Variants in MYBBP1A observed in about 807,000 individuals in gnomAD.
MYBBP1A encodes the protein myb-binding protein 1A.
Under a neutral mutation model 136.3 loss-of-function variants are expected in MYBBP1A, and 147 were observed. The ratio of observed to expected loss-of-function variants is 1.08; its 90% CI spans 0.94 to 1.24. The LOEUF (loss-of-function observed/expected upper bound fraction) is 1.24. Among genes scored for constraint, MYBBP1A ranks in the 50% most tolerant of loss-of-function variants. The probability of loss-of-function intolerance (pLI) is 0.00; values close to 1 mark genes in which losing one functional copy is unlikely to be tolerated. For missense variants in MYBBP1A, 2,060 were observed against 1,727.4 expected (o/e 1.19, Z -3.41); for synonymous variants, 947 against 735.8 (o/e 1.29, Z -4.65).
intron 25 of MYBBP1A, 140 bp from the exon 26 acceptor site, chr17:4,540,107 G>T: frequency 8.3e-7 from 1 of 1,199,020 alleles, no homozygotes; most frequent in Non-Finnish European, 1.2e-6. Flanking sequence ...TCCCGTGAGG[G>T]TCCTATGAGG....
chr17:4,554,719 G>A (rs766825752), intron 2 of MYBBP1A, 142 bp downstream of exon 2: 37 of 726,546 alleles, frequency 5.1e-5, no homozygotes, highest in Non-Finnish European at 7.5e-5. Context: ...GCCTCCCTCA[G>A]GTTGGCCTCC....
rs1906326002 is a variant in MYBBP1A, at chr17:4,540,626, T to G, written c.3298-142A>C. 1.4e-5 allele frequency: 15 copies of G among 1,064,232 alleles called. No individual in the cohort carries two copies. In the South Asian group the frequency reaches 3.0e-4, roughly 21 times the overall value. 65.9% of individuals were successfully genotyped at this position (1,064,232 alleles called of 1,614,324 possible). A position where few individuals can be genotyped will look rare whatever the true frequency, so the allele number is the denominator to read the frequency against. ...GGGCCTCAGCCTCTCCTTCTGCCTG[T>G]TAAGTCATCCGTGTCTCTTACCGAG... On this transcript the variant is annotated intron_variant, in intron 24 of 25. Transcript: ENST00000254718.
chr17:4,554,885 G>A lies in MYBBP1A; in HGVS notation c.270C>T (p.Pro90=). The part of the protein sequence containing the change: ...GLGVGRETAR[P]CYSLALAQLL... Reference sequence around the variant, plus strand: ...CCTGTGCCAGGGCCAAACTGTAGCAGGGCCGGGCTGTTTCTCGCCCGACCC... The same window carrying A: ...CCTGTGCCAGGGCCAAACTGTAGCAAGGCCGGGCTGTTTCTCGCCCGACCC... Residue 90 remains proline (P), a synonymous_variant, in exon 2 of 26, where the codon CCC becomes CCT. Transcript: ENST00000254718. The A allele has an allele frequency of 6.2e-7, 1 of 1,613,582 alleles. No individual in the cohort carries two copies. The highest frequency in any genetic ancestry group is 8.5e-7 in the Non-Finnish European group (1 of 1,180,032).
intron 8 of MYBBP1A, among the ~76,000 whole-genome samples, chr17:4,551,060 C>A (rs978310846): frequency 6.6e-6 from 1 of 152,242 alleles, no homozygotes; most frequent in Non-Finnish European, 1.5e-5. Context: ...TGGCTCACTG[C>A]AGCCTCAAAA....
rs947408759 is a variant in MYBBP1A, at chr17:4,552,989, T to C, written c.562-363A>G. ...GGTGTGCGCCATCACACCCAGCTAA[T>C]TTTTGTATTTTTAGTAGAGATGGGG... On this transcript the variant is annotated intron_variant, in intron 5 of 25. Transcript: ENST00000254718. The surrounding 1 kb of genome is among the most constrained non-coding windows in gnomAD (Gnocchi z 4.7). Among the ~76,000 whole-genome samples the C allele has an allele frequency of 6.6e-6, 1 of 152,120 alleles. No homozygotes were observed. The highest frequency in any genetic ancestry group is 1.5e-5 in the Non-Finnish European group (1 of 68,012).
chr17:4,542,648 G>T lies in MYBBP1A; in HGVS notation c.2986C>A (p.Pro996Thr), dbSNP rs368609410. 6.2e-7 allele frequency: 1 copy of T among 1,613,874 alleles called. No individual in the cohort carries two copies. The highest frequency in any genetic ancestry group is 8.5e-7 in the Non-Finnish European group (1 of 1,179,920). Residue 996 changes from proline to threonine, a missense_variant, in exon 21 of 26, where the codon CCC becomes ACC. Coordinates refer to ENST00000254718, the MANE Select transcript of MYBBP1A (RefSeq NM_014520.4). ...LTKRNSPLTV[P>T]MFLSLFSRHP... ...CGGGAGAAGAGGCTGAGGAACATGG[G>T]AACTGTGAGGGGGCTGTTGCGCTTG...
chr17:4,552,164 A>C lies in MYBBP1A; in HGVS notation c.866T>G (p.Val289Gly). The change falls in exon 7 of 26, where the codon GTG (valine) becomes GGG (glycine). Residue 289 changes from valine (V) to glycine (G), a missense_variant. Coordinates refer to ENST00000254718, the MANE Select transcript of MYBBP1A (RefSeq NM_014520.4). This position sits in a 1 kb window ranked among gnomAD's most constrained non-coding sequence, Gnocchi z 4.7. ...CTGCATCTTCAGCAGCCCTTGTTCC[A>C]CCACCTCCTTCCAGAACCGTGGGAA... ...DKFPRFWKEV[V>G]EQGLLKMQFW... The C allele has an allele frequency of 6.2e-7, 1 of 1,614,162 alleles. No homozygotes were observed. The highest frequency in any genetic ancestry group is 8.5e-7 in the Non-Finnish European group (1 of 1,180,026).
rs779531050 is a variant in MYBBP1A, at chr17:4,548,261, G to T, written c.1606C>A (p.Gln536Lys). ...TQFKQAPGQT[Q>K]GGQPWTYHLV... Reference sequence around the variant, plus strand: ...TGGTAGGTCCAGGGCTGCCCACCCTGGGTCTGGCCCGGTGCCTGCTTGAAC... The same window carrying T: ...TGGTAGGTCCAGGGCTGCCCACCCTTGGTCTGGCCCGGTGCCTGCTTGAAC... Residue 536 changes from glutamine to lysine, a missense_variant, in exon 12 of 26, where the codon CAG becomes AAG. Transcript: ENST00000254718. This position sits in a 1 kb window ranked among gnomAD's most constrained non-coding sequence, Gnocchi z 4.2. The T allele has an allele frequency of 1.1e-5, 17 of 1,612,302 alleles. No individual in the cohort carries two copies. In the African/African-American group the frequency reaches 2.0e-4, roughly 19 times the overall value.
chr17:4,551,921 C>G lies in MYBBP1A; in HGVS notation c.982G>C (p.Asp328His). Residue 328 changes from aspartate (D) to histidine (H), a missense_variant, in exon 8 of 26, where the codon GAC (aspartate) becomes CAC (histidine). Asp to His is a moderately conservative substitution (Grantham distance 81). Transcript: ENST00000254718. Reference sequence around the variant, plus strand: ...TGCTCCCCGTAATGGCGGATCACGTCTCCCTGCATCACCAGGTGCAGCTGC... The same window carrying G: ...TGCTCCCCGTAATGGCGGATCACGTGTCCCTGCATCACCAGGTGCAGCTGC... ...KEQLHLVMQG[D>H]VIRHYGEHVC... 6.2e-7 allele frequency: 1 copy of G among 1,613,404 alleles called. No individual in the cohort carries two copies. The highest frequency in any genetic ancestry group is 8.5e-7 in the Non-Finnish European group (1 of 1,179,744).
At position 4,540,329 on chromosome 17, in the gene MYBBP1A, T is replaced by C. The variant is rs1906287373; in HGVS notation, c.3434+19A>G. On this transcript the variant is annotated intron_variant, in intron 25 of 25. Coordinates refer to ENST00000254718, the MANE Select transcript of MYBBP1A (RefSeq NM_014520.4). ...TCCCAGCCCCTACCCAAGGTGTGTG[T>C]CCCCCTCCCAGAACCTACTGGACTC... 1.3e-6 allele frequency: 2 copies of C among 1,588,112 alleles called. No homozygotes were observed. Among genetic ancestry groups the C allele is most frequent in the Non-Finnish European group, 1.7e-6 (2 of 1,170,544 alleles).
At position 4,551,755 on chromosome 17, in the gene MYBBP1A, T is replaced by C. The variant is rs139334318; in HGVS notation, c.1023+125A>G. ...AGGGAAAGGGGTTCAGGCAGCTCAC[T>C]ACCCAGACGGAGGGGACACCCATAG... On this transcript the variant is annotated intron_variant, in intron 8 of 25. Coordinates refer to ENST00000254718, the MANE Select transcript of MYBBP1A (RefSeq NM_014520.4). 27 of 806,960 alleles carry C rather than the reference T, an allele frequency of 3.3e-5. No individual in the cohort carries two copies. In the African/African-American group the frequency reaches 4.4e-4, roughly 13 times the overall value. The allele number at this position is 806,960 out of a possible 1,614,324, so 50.0% of individuals were successfully genotyped here. A position where few individuals can be genotyped will look rare whatever the true frequency, so the allele number is the denominator to read the frequency against.
chr17:4,549,435 G>A lies in MYBBP1A; in HGVS notation c.1327C>T (p.Arg443Ter), dbSNP rs1211436284. ...AQDSSLHMPE[R>*]AVFRLRKWII... The stretch of plus-strand genomic sequence containing the variant: ...CATTTCCTCAGCCGGAACACAGCTC[G>A]CTCAGGCCTAGCGGGGCAGGAGGCG... The change falls in exon 10 of 26, where the codon CGA (arginine) becomes TGA (stop). Residue 443 changes from arginine to a stop codon, truncating the protein, a stop_gained. Transcript: ENST00000254718. LOFTEE classifies it high-confidence loss of function. 9 of 1,612,404 alleles carry A rather than the reference G, an allele frequency of 5.6e-6. No individual in the cohort carries two copies. Among genetic ancestry groups the A allele is most frequent in the South Asian group, 2.2e-5 (2 of 91,050 alleles).
At chr17:4,553,028 G>C (rs901669990) in intron 5 of MYBBP1A, among the ~76,000 whole-genome samples, 1 of 152,088 alleles carries the variant, frequency 6.6e-6, no homozygotes, top group African/African-American at 2.4e-5. Flanking sequence ...CACCATGTTG[G>C]CCAGGCTGGT....
intron 20 of MYBBP1A, 79 bp from the exon 21 acceptor site, chr17:4,542,820 C>G (rs1182549263): frequency 6.2e-7 from 1 of 1,600,838 alleles, no homozygotes; most frequent in Non-Finnish European, 8.5e-7. Context: ...CTACCTTCAT[C>G]AGAAGGCTGA....
chr17:4,546,414 C>T (rs915994988), intron 13 of MYBBP1A, among the ~76,000 whole-genome samples: 41 of 152,164 alleles, frequency 2.7e-4, no homozygotes, highest in Non-Finnish European at 2.6e-4. Flanking sequence ...TGTGAGCCCC[C>T]GCGCCCAGCT....
rs575399224 is a variant in MYBBP1A, at chr17:4,552,043, C to T, written c.906-46G>A. ...AGCCTGGTCAGAGCCCTTGGTGCCC[C>T]TGGTGGGAACCTCAGGACTAGTGGC... On this transcript the variant is annotated intron_variant, in intron 7 of 25. Coordinates refer to ENST00000254718, the MANE Select transcript of MYBBP1A (RefSeq NM_014520.4). This position sits in a 1 kb window ranked among gnomAD's most constrained non-coding sequence, Gnocchi z 4.7. 6.3e-7 allele frequency: 1 copy of T among 1,594,510 alleles called. No individual in the cohort carries two copies.
At position 4,542,670 on chromosome 17, in the gene MYBBP1A, C is replaced by T. The variant is rs754567214; in HGVS notation, c.2964G>A (p.Lys988=). Reference sequence around the variant, plus strand: ...TGGGAACTGTGAGGGGGCTGTTGCGCTTGGTCAGGAAGGAGCTCAGTGCTG... The same window carrying T: ...TGGGAACTGTGAGGGGGCTGTTGCGTTTGGTCAGGAAGGAGCTCAGTGCTG... ...YSTALSSFLT[K]RNSPLTVPMF... The change falls in exon 21 of 26, where the codon AAG becomes AAA. Residue 988 remains lysine, a synonymous_variant. Coordinates refer to ENST00000254718, the MANE Select transcript of MYBBP1A (RefSeq NM_014520.4). The T allele has an allele frequency of 1.9e-6, 3 of 1,614,034 alleles. No individual in the cohort carries two copies. The highest frequency in any genetic ancestry group is 1.1e-5 in the South Asian group (1 of 91,082).
intron 25 of MYBBP1A, 27 bp from the exon 26 acceptor site, chr17:4,539,994 G>A (rs759759623): frequency 1.9e-6 from 3 of 1,588,056 alleles, no homozygotes; most frequent in South Asian, 2.2e-5. Flanking sequence ...AAGGTTAGAA[G>A]GTGCCCATCG....
chr17:4,553,696 A>G, intron 5 of MYBBP1A, 114 bp downstream of exon 5: 1 of 766,720 alleles, frequency 1.3e-6, no homozygotes, highest in Non-Finnish European at 2.1e-6. Context: ...AACGCTTCAA[A>G]TTATACATCT....
Sources: allele counts gnomAD v4.1 joint callset (sites outside exome capture counted in the v4.1 genomes callset), GRCh38; gene constraint gnomAD v4.1.1; non-coding constraint Gnocchi (gnomAD v3.1); transcripts MANE v1.5; gene names NCBI Gene and HGNC (gene_info 2026-07-23, HGNC 2026-07-21).